The following DNAH2 variants were observed in gnomAD, a reference collection of about 807,000 sequenced individuals.
DNAH2 encodes dynein axonemal heavy chain 2.
Under a neutral mutation model 523.5 loss-of-function variants are expected in DNAH2, and 323 were observed. That is an observed-to-expected ratio of 0.62 (90% confidence interval 0.56 to 0.68). The LOEUF (loss-of-function observed/expected upper bound fraction) is 0.68. Ranked by LOEUF, DNAH2 falls within the 30% of genes least tolerant of loss-of-function variation. DNAH2 has a pLI of 0.00. For synonymous variants in DNAH2, 2,093 were observed against 2,177.4 expected, an observed-to-expected ratio of 0.96 and a Z score of 1.08; for missense variants, 4,907 against 5,701.5, an observed-to-expected ratio of 0.86 and a Z score of 4.49.
chr17:7,737,674 G>A (rs1168960845), intron 8 of DNAH2, among the ~76,000 whole-genome samples: 1 of 152,150 alleles, frequency 6.6e-6, no homozygotes, highest in Non-Finnish European at 1.5e-5. Flanking sequence ...GCATTCACTG[G>A]GGGTGAAAAA....
chr17:7,811,842 T>C (rs919799637), intron 63 of DNAH2, among the ~76,000 whole-genome samples: 3 of 152,164 alleles, frequency 2.0e-5, no homozygotes, highest in Non-Finnish European at 4.4e-5. Context: ...GTTCTCTGGG[T>C]AGATCAGTTT....
chr17:7,772,112 A>G (rs2076334692), intron 28 of DNAH2, among the ~76,000 whole-genome samples: 1 of 152,138 alleles, frequency 6.6e-6, no homozygotes, highest in African/African-American at 2.4e-5. Flanking sequence ...AGATGAACAC[A>G]TAGTGAGGCC....
intron 39 of DNAH2, among the ~76,000 whole-genome samples, chr17:7,784,760 C>T (rs772786843): frequency 5.3e-5 from 8 of 152,048 alleles, no homozygotes; most frequent in South Asian, 2.1e-4. Context: ...AAGAAGCAAT[C>T]GTAAAGGTGA....
intron 16 of DNAH2, 72 bp downstream of exon 16, chr17:7,759,682 C>T (rs1033694244): frequency 8.1e-6 from 13 of 1,599,402 alleles, no homozygotes; most frequent in Non-Finnish European, 1.1e-5. Flanking sequence ...AATTCCTAAA[C>T]TTGGTCCTTG....
intron 44 of DNAH2, 91 bp downstream of exon 44, chr17:7,788,335 T>C: frequency 7.0e-7 from 1 of 1,435,578 alleles, no homozygotes; most frequent in South Asian, 1.4e-5. Context: ...CTGAGACAGG[T>C]TGAACTCCAG....
intron 20 of DNAH2, among the ~76,000 whole-genome samples, chr17:7,764,771 T>A (rs1384362607): frequency 1.4e-5 from 2 of 146,020 alleles, no homozygotes; most frequent in African/African-American, 5.1e-5. Context: ...TGGATTTACT[T>A]ACTGTATTTA....
intron 63 of DNAH2, among the ~76,000 whole-genome samples, chr17:7,808,692 C>A (rs2151306179): frequency 6.6e-6 from 1 of 152,300 alleles, no homozygotes; most frequent in Middle Eastern, 3.4e-3. Context: ...TCACTGCAAC[C>A]TCCACCTCCT....
intron 12 of DNAH2, among the ~76,000 whole-genome samples, chr17:7,747,681 C>G (rs1001374554): frequency 2.6e-5 from 4 of 152,158 alleles, no homozygotes; most frequent in Admixed American, 2.6e-4. Context: ...TTGGGTTTAT[C>G]TGAAATCCAA....
chr17:7,830,843 G>A lies in DNAH2; in HGVS notation c.12230+1G>A, dbSNP rs2078152952. On this transcript the variant is annotated splice_donor_variant, in intron 79 of 85. Transcript: ENST00000572933. LOFTEE classifies it high-confidence loss of function. ...AGTCTCTATCAACTCCCTTCCACCG[G>A]TGAGGGGGAGGTGGCCCTGGACAGG... The A allele has an allele frequency of 1.2e-6, 2 of 1,613,798 alleles. No homozygotes were observed. The highest frequency in any genetic ancestry group is 1.3e-5 in the African/African-American group (1 of 74,926).
At chr17:7,721,389 G>C (rs1054553199) in intron 2 of DNAH2, among the ~76,000 whole-genome samples, 1 of 152,042 alleles carries the variant, frequency 6.6e-6, no homozygotes, top group Non-Finnish European at 1.5e-5. Flanking sequence ...GCCCAGGCTG[G>C]TCTCGAACTC....
chr17:7,762,025 G>A lies in DNAH2; in HGVS notation c.2978+1093G>A, dbSNP rs549971903. On this transcript the variant is annotated intron_variant, in intron 18 of 85. Coordinates refer to ENST00000572933, the MANE Select transcript of DNAH2 (RefSeq NM_020877.5). ...TGGTGTCACGAGAAGACTTGGAATC[G>A]CAGCTGTGCCACTTAGTAGCTGTGT... is the stretch of plus-strand genomic sequence containing the variant. Among the ~76,000 whole-genome samples the A allele has an allele frequency of 7.2e-5, 11 of 152,306 alleles. No individual in the cohort carries two copies. In the East Asian group the frequency reaches 9.6e-4, roughly 13 times the overall value.
chr17:7,793,536 T>TCTCTTTCTTTTTC (rs2076979111), intron 48 of DNAH2, among the ~76,000 whole-genome samples: 1 of 130,386 alleles, frequency 7.7e-6, no homozygotes, highest in Non-Finnish European at 1.8e-5. Context: ...CTTTCTTTCT[T>TCTCTTTCTTTTTC]TTTCTTTCTT....
intron 13 of DNAH2, 127 bp from the exon 14 acceptor site, chr17:7,758,368 T>G: frequency 8.2e-7 from 1 of 1,223,304 alleles, no homozygotes; most frequent in Non-Finnish European, 1.1e-6. Context: ...GAAGTACTAG[T>G]CTAGAATCTA....
At chr17:7,800,595 G>A (rs1050257473) in intron 56 of DNAH2, among the ~76,000 whole-genome samples, 4 of 151,270 alleles carry the variant, frequency 2.6e-5, no homozygotes, top group South Asian at 4.2e-4. Flanking sequence ...GTCTGGGCGC[G>A]GTGGCTCATG....
At chr17:7,776,720 C>G in intron 31 of DNAH2, 59 bp from the exon 32 acceptor site, 1 of 1,378,914 alleles carries the variant, frequency 7.3e-7, no homozygotes, top group Non-Finnish European at 1.0e-6. Flanking sequence ...GACTTGGGAG[C>G]TGGGCTGTGC....
Position 7,832,841 on chromosome 17 carries a change from C to T in DNAH2, c.12904-13C>T, listed in dbSNP as rs374546758. 1.9e-6 allele frequency: 3 copies of T among 1,614,080 alleles called. No homozygotes were observed. The African/African-American group carries it at 4.0e-5, about 22-fold the overall frequency. On this transcript the variant is annotated splice_polypyrimidine_tract_variant and intron_variant, in intron 83 of 85. Transcript: ENST00000572933. This position sits in a 1 kb window ranked among gnomAD's most constrained non-coding sequence, Gnocchi z 4.3. ...CTTCAGGGTCCTCTCTTATTCTCACCTTCAACCCCCAGGTTTCAGTGGACA... is the reference window on the plus strand; with the variant it reads ...CTTCAGGGTCCTCTCTTATTCTCACTTTCAACCCCCAGGTTTCAGTGGACA...
intron 2 of DNAH2, among the ~76,000 whole-genome samples, chr17:7,723,268 C>CTTTT (rs58689789): frequency 0.025 from 1,519 of 59,900 alleles, 163 homozygotes; most frequent in Non-Finnish European, 0.03. Context: ...CTGTACCCGG[C>CTTTT]TTTTTTTTTT....
In DNAH2 at chr17:7,728,741, T is replaced by G. The variant is rs1010715074; in HGVS notation, c.399+1449T>G. On this transcript the variant is annotated intron_variant, in intron 4 of 85. Coordinates refer to ENST00000572933, the MANE Select transcript of DNAH2 (RefSeq NM_020877.5). ...GGCTCATGCCTGTAATCCTAGCACTTCGGGAGGCCGAGGCAGGCTGATCGC... is the reference window on the plus strand; with the variant it reads ...GGCTCATGCCTGTAATCCTAGCACTGCGGGAGGCCGAGGCAGGCTGATCGC... Among the ~76,000 whole-genome samples the G allele has an allele frequency of 2.6e-5, 4 of 152,214 alleles. 1 individual carries two copies. Among genetic ancestry groups the G allele is most frequent in the African/African-American group, 9.6e-5 (4 of 41,460 alleles).
Position 7,733,298 on chromosome 17 carries a change from T to A in DNAH2, c.611T>A (p.Phe204Tyr). ...RNHFASHLHK[F>Y]LACLTDTRYK... Reference sequence around the variant, plus strand: ...CATTTTGCTTCTCATCTGCACAAGTTCTTGGCCTGCCTGACAGGTAAGTGG... The same window carrying A: ...CATTTTGCTTCTCATCTGCACAAGTACTTGGCCTGCCTGACAGGTAAGTGG... Residue 204 changes from phenylalanine to tyrosine, a missense_variant, in exon 5 of 86, where the codon TTC becomes TAC. This residue lies in a region of DNAH2 where 2,806 missense variants were observed against 3,190.8 expected (regional missense o/e 0.88). Coordinates refer to ENST00000572933, the MANE Select transcript of DNAH2 (RefSeq NM_020877.5). 6.2e-7 allele frequency: 1 copy of A among 1,614,084 alleles called. No individual in the cohort carries two copies. Among genetic ancestry groups the A allele is most frequent in the Non-Finnish European group, 8.5e-7 (1 of 1,180,014 alleles).
Sources: gnomAD v4.1 joint callset for allele counts (sites outside exome capture counted in the v4.1 genomes callset) on GRCh38, gnomAD v4.1.1 for gene constraint, gnomAD v4.1.1 regional missense constraint, Gnocchi (gnomAD v3.1) non-coding constraint, MANE v1.5 for transcripts, NCBI Gene and HGNC (gene_info 2026-07-23, HGNC 2026-07-21) for gene names.